NAALADL2: variants seen among roughly 807,000 people sequenced by gnomAD.
NAALADL2 encodes the protein inactive N-acetylated-alpha-linked acidic dipeptidase-like protein 2.
Under a neutral mutation model 87.2 loss-of-function variants are expected in NAALADL2, and 76 were observed. The ratio of observed to expected loss-of-function variants is 0.87; its 90% CI spans 0.72 to 1.05. NAALADL2 has a LOEUF of 1.05. Among genes scored for constraint, NAALADL2 ranks in the 50% least tolerant of loss-of-function variants. The probability of loss-of-function intolerance (pLI) is 0.00; values close to 1 mark genes in which losing one functional copy is unlikely to be tolerated. For synonymous variants in NAALADL2, 354 were observed against 331.0 expected, an observed-to-expected ratio of 1.07 and a Z score of -0.75; for missense variants, 1,089 against 945.8, an observed-to-expected ratio of 1.15 and a Z score of -1.99.
intron 5 of NAALADL2, among the ~76,000 whole-genome samples, chr3:175,399,488 T>A (rs1162969788): frequency 6.6e-6 from 1 of 152,150 alleles, no homozygotes; most frequent in African/African-American, 2.4e-5. Flanking sequence ...TATTTCTTGA[T>A]GATATGCTAA....
Position 175,090,667 on chromosome 3 carries a change from A to G in NAALADL2, c.44-6123A>G, listed in dbSNP as rs534648064. Among the ~76,000 whole-genome samples, 20 of 152,158 alleles carry G rather than the reference A, an allele frequency of 1.3e-4. No homozygotes were observed. In the South Asian group the frequency reaches 3.5e-3, roughly 27 times the overall value. On this transcript the variant is annotated intron_variant, in intron 1 of 13. Coordinates refer to ENST00000454872, the MANE Select transcript of NAALADL2 (RefSeq NM_207015.3). Reference sequence around the variant, plus strand: ...CCTTTTACATGTCATTTAGTGATCAACATAACTCAGGCTTCAGGGTGAAGT... The same window carrying G: ...CCTTTTACATGTCATTTAGTGATCAGCATAACTCAGGCTTCAGGGTGAAGT...
intron 10 of NAALADL2, among the ~76,000 whole-genome samples, chr3:175,614,335 G>T (rs1490983508): frequency 1.3e-5 from 2 of 152,214 alleles, no homozygotes; most frequent in Non-Finnish European, 2.9e-5. Context: ...ATAGGCGTGA[G>T]CCACCACCCT....
At chr3:174,757,415 A>G (rs1712249338) in intron 3 of NAALADL2, among the ~76,000 whole-genome samples, 1 of 152,294 alleles carries the variant, frequency 6.6e-6, no homozygotes, top group Middle Eastern at 3.4e-3. Context: ...ACAACTAAGT[A>G]TGACTTAGAA....
At position 175,698,291 on chromosome 3, in the gene NAALADL2, A is replaced by ATACATATATATGTGTATATATGTATGTG. The variant is rs1560994415; in HGVS notation, c.1897-39012_1897-38985dup. Among the ~76,000 whole-genome samples the ATACATATATATGTGTATATATGTATGTG allele has an allele frequency of 2.9e-3, 269 of 94,080 alleles. 21 individuals carry two copies. The highest frequency in any genetic ancestry group is 4.1e-3 in the South Asian group (12 of 2,910). The allele number at this position is 94,080 out of a possible 152,430, so 61.7% of individuals were successfully genotyped here. On this transcript the variant is annotated intron_variant, in intron 11 of 13. Transcript: ENST00000454872. ...CATATATATGTGTATATATGTATGTATACATATATATGTGTATATATGTAT... is the reference window on the plus strand; with the variant it reads ...CATATATATGTGTATATATGTATGTATACATATATATGTGTATATATGTATGTGTACATATATATGTGTATATATGTAT...
chr3:175,565,525 G>C (rs1716963391), intron 9 of NAALADL2, among the ~76,000 whole-genome samples: 1 of 152,040 alleles, frequency 6.6e-6, no homozygotes, highest in African/African-American at 2.4e-5. Flanking sequence ...CTGGTGTCCT[G>C]CTGGTGACTT....
At chr3:175,095,339 C>T (rs1357298016) in intron 1 of NAALADL2, among the ~76,000 whole-genome samples, 1 of 151,842 alleles carries the variant, frequency 6.6e-6, no homozygotes. Context: ...GTTTGTTTGT[C>T]CATTGTCTCT....
chr3:174,739,656 C>T (rs955482013), intron 3 of NAALADL2, among the ~76,000 whole-genome samples: 14 of 151,912 alleles, frequency 9.2e-5, no homozygotes, highest in Non-Finnish European at 1.5e-4. Flanking sequence ...AATTATATTC[C>T]CCAAATAACA....
intron 11 of NAALADL2, among the ~76,000 whole-genome samples, chr3:175,694,086 G>A (rs1489577209): frequency 6.6e-6 from 1 of 152,068 alleles, no homozygotes; most frequent in Non-Finnish European, 1.5e-5. Flanking sequence ...TTTCTTCATA[G>A]TATAGTAATG....
At chr3:174,692,006 A>G (rs1175223360) in intron 2 of NAALADL2, 1 of 152,196 alleles carries the variant, frequency 6.6e-6, no homozygotes, top group Non-Finnish European at 1.5e-5. Flanking sequence ...AAACACTCCA[A>G]GTCATCCTTG....
At chr3:174,491,905 G>A (rs1428892550) in intron 1 of NAALADL2, among the ~76,000 whole-genome samples, 1 of 152,086 alleles carries the variant, frequency 6.6e-6, no homozygotes, top group Non-Finnish European at 1.5e-5. Context: ...CAATAAAGAT[G>A]ATTTTATTGT....
Position 175,467,108 on chromosome 3 carries a change from G to T in NAALADL2, c.1457G>T (p.Arg486Ile). The change falls in exon 8 of 14, where the codon AGA (arginine) becomes ATA (isoleucine). Residue 486 changes from arginine (R) to isoleucine (I), a missense_variant. Physicochemically the swap from Arg to Ile is moderately conservative, Grantham distance 97. Transcript: ENST00000454872. Reference protein sequence around the residue: ...ALMSKVKRGWRPDRTIVFCSW... With the variant: ...ALMSKVKRGWIPDRTIVFCSW... ...ATGTCAAAAGTTAAGAGAGGGTGGA[G>T]ACCAGACCGAACTATTGTTTTCTGT... The T allele has an allele frequency of 6.2e-7, 1 of 1,613,764 alleles. No individual in the cohort carries two copies. Among genetic ancestry groups the T allele is most frequent in the East Asian group, 2.2e-5 (1 of 44,874 alleles).
intron 1 of NAALADL2, among the ~76,000 whole-genome samples, chr3:174,537,976 C>T (rs1393445220): frequency 2.0e-5 from 3 of 151,426 alleles, no homozygotes; most frequent in Non-Finnish European, 2.9e-5. Context: ...GGTCTAATTT[C>T]CTTGATTCCC....
chr3:174,481,885 A>G (rs531981550), intron 1 of NAALADL2, among the ~76,000 whole-genome samples: 2 of 152,184 alleles, frequency 1.3e-5, no homozygotes, highest in South Asian at 4.1e-4. Context: ...GGGGCTGGTC[A>G]TGTCAGCATC....
chr3:174,990,647 A>T (rs779345826), intron 1 of NAALADL2, among the ~76,000 whole-genome samples: 2 of 152,160 alleles, frequency 1.3e-5, no homozygotes, highest in Non-Finnish European at 2.9e-5. Context: ...CATAGGAAAA[A>T]TTTCTAAAGC....
intron 3 of NAALADL2, among the ~76,000 whole-genome samples, chr3:174,810,711 C>T (rs1720077090): frequency 1.3e-5 from 2 of 151,986 alleles, no homozygotes; most frequent in Admixed American, 6.5e-5. Context: ...AGCTCATTTT[C>T]CGGGTGGAGA....
At chr3:174,987,768 A>C (rs2108688329) in intron 1 of NAALADL2, among the ~76,000 whole-genome samples, 1 of 144,806 alleles carries the variant, frequency 6.9e-6, no homozygotes, top group Admixed American at 6.9e-5. Flanking sequence ...CTAGGACCCC[A>C]GGCATGCACT....
chr3:174,832,112 G>A (rs1485209568), intron 3 of NAALADL2, among the ~76,000 whole-genome samples: 1 of 151,970 alleles, frequency 6.6e-6, no homozygotes, highest in East Asian at 1.9e-4. Flanking sequence ...ATTTCCTTCA[G>A]TTCTGCTCTG....
At chr3:174,705,829 A>C (rs1197153779) in intron 2 of NAALADL2, among the ~76,000 whole-genome samples, 2 of 151,742 alleles carry the variant, frequency 1.3e-5, no homozygotes, top group Non-Finnish European at 2.9e-5. Flanking sequence ...TTAAATTATC[A>C]GTGTTGGATA....
chr3:175,152,881 TG>T (rs543155154), intron 2 of NAALADL2, among the ~76,000 whole-genome samples: 73 of 151,964 alleles, frequency 4.8e-4, no homozygotes, highest in African/African-American at 1.5e-3. Flanking sequence ...CACTCCAGTC[TG>T]GGCGACAGAG....
Sources: allele counts gnomAD v4.1 joint callset (sites outside exome capture counted in the v4.1 genomes callset), GRCh38; gene constraint gnomAD v4.1.1; transcripts MANE v1.5; gene names NCBI Gene and HGNC (gene_info 2026-07-23, HGNC 2026-07-21).